Variants in KLHL4 observed in about 807,000 individuals in gnomAD.
KLHL4 encodes the protein kelch like family member 4.
KLHL4 carries 17 observed loss-of-function variants against 45.8 expected under a neutral mutation model. That is an observed-to-expected ratio of 0.37 (90% CI 0.25 to 0.56). The LOEUF (loss-of-function observed/expected upper bound fraction) is 0.56. Among genes scored for constraint, KLHL4 ranks in the 20% least tolerant of loss-of-function variants. The pLI, the probability that KLHL4 is intolerant of heterozygous loss-of-function variation, is 0.79. For missense variants in KLHL4, 544 were observed against 544.9 expected (o/e 1.00, Z 0.02); for synonymous variants, 224 against 189.9 (o/e 1.18, Z -1.47).
At chrX:87,572,792 A>G (rs1323830389) in intron 1 of KLHL4, among the ~76,000 whole-genome samples, 8 of 76,174 alleles carry the variant, frequency 1.1e-4, no homozygotes, top group Admixed American at 7.4e-4. Context: ...CTTAAAGTAT[A>G]ATAAAAAAAA....
Position 87,668,090 on chromosome X carries a change from T to C in KLHL4, c.*1556T>C, listed in dbSNP as rs1339984875. 1.3e-6 allele frequency: 1 copy of C among 749,242 alleles called. No homozygotes were observed. The highest frequency in any genetic ancestry group is 1.6e-6 in the Non-Finnish European group (1 of 635,647). The allele number at this position is 749,242 out of a possible 1,213,427, so 61.7% of individuals were successfully genotyped here. On this transcript the variant is annotated 3_prime_UTR_variant, in exon 11 of 11. Transcript: ENST00000373119. ...GTCTCTAATTCTAAAGAGAGAGCTA[T>C]AGATTTCTGCAGTTCTAGAGGTGAA...
At chrX:87,586,948 T>G (rs1248101612) in intron 1 of KLHL4, among the ~76,000 whole-genome samples, 1 of 109,343 alleles carries the variant, frequency 9.1e-6, no homozygotes, top group East Asian at 2.9e-4. Context: ...ACATTAAAAC[T>G]GATACTGCAG....
At chrX:87,589,597 T>C (rs1449703457) in intron 1 of KLHL4, among the ~76,000 whole-genome samples, 2 of 111,828 alleles carry the variant, frequency 1.8e-5, no homozygotes, top group Non-Finnish European at 3.8e-5. Flanking sequence ...ATTTGTGGGT[T>C]CTAAAAATCA....
intron 5 of KLHL4, among the ~76,000 whole-genome samples, chrX:87,624,725 C>G (rs1922867978): frequency 8.9e-6 from 1 of 112,052 alleles, no homozygotes; most frequent in Non-Finnish European, 1.9e-5. Flanking sequence ...TCCAATTCAT[C>G]TCATGAAAAA....
At chrX:87,574,378 G>A (rs1051330727) in intron 1 of KLHL4, among the ~76,000 whole-genome samples, 2 of 111,360 alleles carry the variant, frequency 1.8e-5, no homozygotes, top group African/African-American at 6.5e-5. Flanking sequence ...AAAATCAAGT[G>A]TTGTTTTTAA....
chrX:87,532,146 A>C (rs1931301775), intron 1 of KLHL4, among the ~76,000 whole-genome samples: 1 of 109,485 alleles, frequency 9.1e-6, no homozygotes, highest in Admixed American at 9.8e-5. Flanking sequence ...TCAGCTTTCT[A>C]CATATGGCTA....
intron 1 of KLHL4, among the ~76,000 whole-genome samples, chrX:87,590,995 A>G (rs1160883197): frequency 8.9e-6 from 1 of 111,752 alleles, no homozygotes; most frequent in Non-Finnish European, 1.9e-5. Flanking sequence ...CTCTTTTTGG[A>G]TATGTACTCA....
At chrX:87,649,845 C>T (rs376835982) in intron 9 of KLHL4, among the ~76,000 whole-genome samples, 1 of 111,253 alleles carries the variant, frequency 9.0e-6, no homozygotes, top group African/African-American at 3.3e-5. Flanking sequence ...TATTTCTGGG[C>T]TCTGTACTGT....
chrX:87,612,629 G>A (rs1922419050), intron 1 of KLHL4, among the ~76,000 whole-genome samples: 1 of 111,736 alleles, frequency 8.9e-6, no homozygotes, highest in South Asian at 3.7e-4. Flanking sequence ...ATTTACAACA[G>A]CATATTTTAC....
At chrX:87,539,086 C>A (rs1401433171) in intron 1 of KLHL4, among the ~76,000 whole-genome samples, 1 of 110,792 alleles carries the variant, frequency 9.0e-6, no homozygotes, top group Non-Finnish European at 1.9e-5. Context: ...ATTAGCAAAT[C>A]CCAAAGAAAT....
In KLHL4 at chrX:87,633,750, T is replaced by A. The variant is rs1057091841; in HGVS notation, c.1551T>A (p.Gly517=). 1 of 1,185,560 alleles carries A rather than the reference T, an allele frequency of 8.4e-7. No individual in the cohort carries two copies. Among genetic ancestry groups the A allele is most frequent in the Non-Finnish European group, 1.1e-6 (1 of 882,009 alleles). ...CACATATTATTTTAATTTTTTTAGG[T>A]GTAGCCACTCTTGAAGGACCAATGT... ...PPMSTHRHGL[G]VATLEGPMYA... Residue 517 remains glycine (G), a splice_region_variant and synonymous_variant, in exon 8 of 11, where the codon GGT becomes GGA. Transcript: ENST00000373119.
At chrX:87,553,228 T>C (rs1363491944) in intron 1 of KLHL4, among the ~76,000 whole-genome samples, 1 of 110,865 alleles carries the variant, frequency 9.0e-6, no homozygotes, top group African/African-American at 3.3e-5. Flanking sequence ...AAACAAAAAG[T>C]AGAAATCAAT....
Position 87,635,670 on chromosome X carries a change from G to T in KLHL4, c.1820G>T (p.Arg607Leu), listed in dbSNP as rs757909585. ...TTGTGTGCTCCAATGTCCAAAAGAC[G>T]TGGAGGTGTGGGAGTTGCCACATAC... ...WSLCAPMSKRRGGVGVATYNG... is the reference protein window; with the variant it reads ...WSLCAPMSKRLGGVGVATYNG... Residue 607 changes from arginine to leucine, a missense_variant, in exon 9 of 11, where the codon CGT becomes CTT. Physicochemically the swap from Arg to Leu is moderately radical, Grantham distance 102. Coordinates refer to ENST00000373119, the MANE Select transcript of KLHL4 (RefSeq NM_019117.5). 1 of 1,209,218 alleles carries T rather than the reference G, an allele frequency of 8.3e-7. No individual in the cohort carries two copies. Among genetic ancestry groups the T allele is most frequent in the Admixed American group, 2.2e-5 (1 of 46,084 alleles).
At chrX:87,654,343 A>G in intron 9 of KLHL4, among the ~76,000 whole-genome samples, 1 of 111,110 alleles carries the variant, frequency 9.0e-6, no homozygotes, top group Middle Eastern at 4.6e-3. Context: ...TCCACTTCCT[A>G]TATCCATGTG....
In KLHL4 at chrX:87,547,513, TCAAA is replaced by T. The variant is rs754412915; in HGVS notation, c.422+29215_422+29218del. Among the ~76,000 whole-genome samples, 444 of 111,301 alleles carry T rather than the reference TCAAA, an allele frequency of 4.0e-3. 1 individual carries two copies. Among genetic ancestry groups the T allele is most frequent in the Non-Finnish European group, 6.2e-3 (327 of 53,035 alleles). On this transcript the variant is annotated intron_variant, in intron 1 of 10. Coordinates refer to ENST00000373119, the MANE Select transcript of KLHL4 (RefSeq NM_019117.5). ...AAACAGACTAAAACAGAGACAAAAT[TCAAA>T]CAAACAAACAAACAAAAACAATTGT...
chrX:87,658,504 G>A (rs915609675), intron 9 of KLHL4, among the ~76,000 whole-genome samples: 8 of 111,148 alleles, frequency 7.2e-5, no homozygotes, highest in African/African-American at 1.6e-4. Context: ...CAGATTCAGC[G>A]ATTGGTAGTG....
At chrX:87,556,222 C>T (rs957415238) in intron 1 of KLHL4, among the ~76,000 whole-genome samples, 6 of 110,758 alleles carry the variant, frequency 5.4e-5, no homozygotes, top group African/African-American at 9.9e-5. Flanking sequence ...CACATGCACA[C>T]GTATATTTAT....
chrX:87,636,531 G>A (rs1028575869), intron 9 of KLHL4, among the ~76,000 whole-genome samples: 6 of 111,775 alleles, frequency 5.4e-5, no homozygotes, highest in African/African-American at 2.0e-4. Flanking sequence ...GTAGCAATGT[G>A]AGCCTGCTTG....
intron 1 of KLHL4, among the ~76,000 whole-genome samples, chrX:87,587,878 T>C (rs776662590): frequency 5.4e-5 from 6 of 111,563 alleles, no homozygotes; most frequent in Non-Finnish European, 1.1e-4. Context: ...TTTTTGTGCA[T>C]GATACTATCA....
Sources: gnomAD v4.1 joint callset for allele counts (sites outside exome capture counted in the v4.1 genomes callset) on GRCh38, gnomAD v4.1.1 for gene constraint, MANE v1.5 for transcripts, NCBI Gene and HGNC (gene_info 2026-07-23, HGNC 2026-07-21) for gene names.